COG5: variants seen among roughly 807,000 people sequenced by gnomAD.
The protein encoded by COG5 is component of oligomeric golgi complex 5.
A neutral mutation model predicts 110.4 loss-of-function variants in COG5; 86 were observed. That is an observed-to-expected ratio of 0.78 (90% confidence interval 0.65 to 0.93). COG5 has a LOEUF of 0.93. COG5 is among the 40% of genes least tolerant of loss of function. The pLI is 0.00. For missense variants in COG5, 1,077 were observed against 987.0 expected, an observed-to-expected ratio of 1.09 and a Z score of -1.22; for synonymous variants, 360 against 334.6, an observed-to-expected ratio of 1.08 and a Z score of -0.83.
intron 6 of COG5, among the ~76,000 whole-genome samples, chr7:107,465,003 G>C (rs952345874): frequency 2.6e-5 from 4 of 152,106 alleles, no homozygotes; most frequent in Admixed American, 2.0e-4. Flanking sequence ...TGGAGTAAAG[G>C]GTAGTTCTGT....
intron 21 of COG5, chr7:107,208,959 A>C: frequency 1.0e-6 from 1 of 981,276 alleles, no homozygotes. Flanking sequence ...CTTCTTGGGG[A>C]GCTATAGAGA....
At position 107,428,976 on chromosome 7, in the gene COG5, C is replaced by T. The variant is rs370948102; in HGVS notation, c.539-16344G>A. Among the ~76,000 whole-genome samples, 8 of 152,162 alleles carry T rather than the reference C, an allele frequency of 5.3e-5. No individual in the cohort carries two copies. In the East Asian group the frequency reaches 1.5e-3, roughly 29 times the overall value. On this transcript the variant is annotated intron_variant, in intron 6 of 21. Transcript: ENST00000297135. ...ACAAAAACTATATTGGCTTGAAGCA[C>T]AGGCATCAGATATTTTGCTAAATAA...
chr7:107,396,844 G>T (rs1218523880), intron 7 of COG5, among the ~76,000 whole-genome samples: 1 of 152,044 alleles, frequency 6.6e-6, no homozygotes, highest in African/African-American at 2.4e-5. Context: ...TATTGAAAAT[G>T]TTTATTCAAC....
At chr7:107,258,169 A>G in intron 15 of COG5, 104 bp downstream of exon 15, 3 of 710,628 alleles carry the variant, frequency 4.2e-6, no homozygotes, top group South Asian at 1.6e-5. Context: ...TCACATTTTC[A>G]TTGTATTCTT....
chr7:107,274,088 A>C (rs1280852455), intron 14 of COG5, among the ~76,000 whole-genome samples: 1 of 152,184 alleles, frequency 6.6e-6, no homozygotes, highest in East Asian at 1.9e-4. Context: ...AATTTAACAC[A>C]AACACACCAT....
chr7:107,518,842 T>C lies in COG5; in HGVS notation c.538+8395A>G, dbSNP rs1800129125. On this transcript the variant is annotated intron_variant, in intron 6 of 21. Coordinates refer to ENST00000297135, the MANE Select transcript of COG5 (RefSeq NM_006348.5). ...CATCTACAGAACTCTCCATTCTAAATCAACAGAATATACATTCTTCTCAGT... is the reference window on the plus strand; with the variant it reads ...CATCTACAGAACTCTCCATTCTAAACCAACAGAATATACATTCTTCTCAGT... Among the ~76,000 whole-genome samples the C allele has an allele frequency of 2.0e-5, 3 of 152,292 alleles. No homozygotes were observed. The South Asian group carries it at 6.2e-4, about 32-fold the overall frequency.
Position 107,386,583 on chromosome 7 carries a change from G to A in COG5, c.670-13823C>T, listed in dbSNP as rs113276325. Among the ~76,000 whole-genome samples the A allele has an allele frequency of 5.5e-3, 831 of 152,246 alleles. 3 individuals are homozygous for A. Among genetic ancestry groups the A allele is most frequent in the Middle Eastern group, 0.02 (6 of 294 alleles). On this transcript the variant is annotated intron_variant, in intron 7 of 21. Transcript: ENST00000297135. ...TTGGGGGGGATTGTTCAGGCTGAGG[G>A]TTCATGATGGGACAACAGTTATCAG... is the stretch of plus-strand genomic sequence containing the variant.
intron 6 of COG5, among the ~76,000 whole-genome samples, chr7:107,510,544 G>A (rs559743020): frequency 8.4e-4 from 128 of 152,168 alleles, no homozygotes; most frequent in South Asian, 4.4e-3. Context: ...TGCACCAAGC[G>A]GACCTAATAG....
intron 6 of COG5, among the ~76,000 whole-genome samples, chr7:107,416,547 C>A (rs1792861428): frequency 6.6e-6 from 1 of 152,066 alleles, no homozygotes; most frequent in Non-Finnish European, 1.5e-5. Context: ...ATTTAGTGGG[C>A]AGTATTATAA....
At chr7:107,314,272 G>A (rs1808531827) in intron 11 of COG5, among the ~76,000 whole-genome samples, 1 of 152,104 alleles carries the variant, frequency 6.6e-6, no homozygotes, top group South Asian at 2.1e-4. Flanking sequence ...GAAACTAGAA[G>A]GGGACATGAA....
At chr7:107,376,080 C>T (rs1303666866) in intron 7 of COG5, among the ~76,000 whole-genome samples, 18 of 152,020 alleles carry the variant, frequency 1.2e-4, no homozygotes, top group Admixed American at 1.2e-3. Flanking sequence ...ATCACCCGCA[C>T]TCCCGAAAAG....
At chr7:107,294,183 G>A (rs994634702) in intron 12 of COG5, among the ~76,000 whole-genome samples, 1 of 152,018 alleles carries the variant, frequency 6.6e-6, no homozygotes, top group Non-Finnish European at 1.5e-5. Context: ...CAATTCACCA[G>A]TTTCAAAAGA....
rs1363300669 is a variant in COG5, at chr7:107,412,597, C to T, written c.574G>A (p.Glu192Lys). Residue 192 changes from glutamate to lysine, a missense_variant, in exon 7 of 22, where the codon GAA (glutamate) becomes AAA (lysine). Transcript: ENST00000297135. The stretch of plus-strand genomic sequence containing the variant: ...AAAAGTAGATCATTTTCTATCACTT[C>T]TATTCCAGAAAGATCTATTCCTTGA... Reference protein sequence around the residue: ...LSQGIDLSGIEVIENDLLFIA... With the variant: ...LSQGIDLSGIKVIENDLLFIA... 9 of 1,576,902 alleles carry T rather than the reference C, an allele frequency of 5.7e-6. No homozygotes were observed. Among genetic ancestry groups the T allele is most frequent in the Non-Finnish European group, 7.0e-6 (8 of 1,147,348 alleles).
intron 19 of COG5, among the ~76,000 whole-genome samples, chr7:107,229,644 C>A (rs999862274): frequency 6.6e-6 from 1 of 152,130 alleles, no homozygotes. Flanking sequence ...TCAGCACTGA[C>A]AAGGACTTTT....
chr7:107,529,024 T>TAAAAAAAAAAAAAAAAAA (rs58281094), intron 5 of COG5, among the ~76,000 whole-genome samples: 2 of 97,842 alleles, frequency 2.0e-5, no homozygotes, highest in Admixed American at 1.0e-4. Flanking sequence ...AATACTTAAA[T>TAAAAAAAAAAAAAAAAAA]AAAAAAAAAA....
At chr7:107,540,064 T>C (rs1370772293) in intron 5 of COG5, among the ~76,000 whole-genome samples, 1 of 152,120 alleles carries the variant, frequency 6.6e-6, no homozygotes, top group African/African-American at 2.4e-5. Context: ...AGCTAGTGTT[T>C]ATGGGCAGAG....
At chr7:107,523,961 G>A (rs950844641) in intron 6 of COG5, among the ~76,000 whole-genome samples, 22 of 152,116 alleles carry the variant, frequency 1.4e-4, no homozygotes, top group African/African-American at 5.3e-4. Context: ...GAAAGGATAT[G>A]TTCCTACAAA....
intron 12 of COG5, among the ~76,000 whole-genome samples, chr7:107,284,392 G>A (rs1584619920): frequency 6.6e-6 from 1 of 152,176 alleles, no homozygotes; most frequent in African/African-American, 2.4e-5. Context: ...TAGAGTTATC[G>A]AAGCATATGG....
At chr7:107,359,053 G>A (rs1323327539) in intron 10 of COG5, among the ~76,000 whole-genome samples, 1 of 152,172 alleles carries the variant, frequency 6.6e-6, no homozygotes, top group African/African-American at 2.4e-5. Context: ...TGGAGAGCTG[G>A]CAGGAGTCCC....
Sources: gnomAD v4.1 joint callset for allele counts (sites outside exome capture counted in the v4.1 genomes callset) on GRCh38, gnomAD v4.1.1 for gene constraint, MANE v1.5 for transcripts, NCBI Gene and HGNC (gene_info 2026-07-23, HGNC 2026-07-21) for gene names.